RAPGEF2: variants seen among roughly 807,000 people sequenced by gnomAD.
RAPGEF2 encodes the protein Rap guanine nucleotide exchange factor 2, also known as PDZ domain containing guanine nucleotide exchange factor (GEF) 1.
In RAPGEF2, 54 loss-of-function variants were observed where a neutral mutation model predicts 186.7. That is an observed-to-expected ratio of 0.29 (90% confidence interval 0.23 to 0.36). RAPGEF2 has a LOEUF of 0.36. Among genes scored for constraint, RAPGEF2 ranks in the 10% least tolerant of loss-of-function variants. The pLI, the probability that RAPGEF2 is intolerant of heterozygous loss-of-function variation, is 1.00. For synonymous variants in RAPGEF2, 712 were observed against 705.9 expected, an observed-to-expected ratio of 1.01 and a Z score of -0.14; for missense variants, 1,532 against 2,045.0, an observed-to-expected ratio of 0.75 and a Z score of 4.84.
chr4:159,241,434 G>GT (rs1458337763), intron 6 of RAPGEF2, 66 bp downstream of exon 6: 1 of 1,088,034 alleles, frequency 9.2e-7, no homozygotes, highest in Non-Finnish European at 1.2e-6. Flanking sequence ...GTGAAAAGAT[G>GT]TTTAAGTTTT....
intron 7 of RAPGEF2, among the ~76,000 whole-genome samples, chr4:159,301,559 A>G (rs141230811): frequency 6.6e-6 from 1 of 152,282 alleles, no homozygotes; most frequent in African/African-American, 2.4e-5. Flanking sequence ...GAACACAGAT[A>G]GTGCGGAGAA....
chr4:159,203,246 C>G (rs1749635541), intron 3 of RAPGEF2, among the ~76,000 whole-genome samples: 1 of 152,170 alleles, frequency 6.6e-6, no homozygotes, highest in Non-Finnish European at 1.5e-5. Context: ...AACTGAAGTT[C>G]ACATCTTTGA....
chr4:159,269,492 T>C (rs1757840130), intron 7 of RAPGEF2, among the ~76,000 whole-genome samples: 1 of 152,204 alleles, frequency 6.6e-6, no homozygotes, highest in Non-Finnish European at 1.5e-5. Context: ...AGAAGTTCCA[T>C]TGTAGTTTGA....
At chr4:159,279,314 A>C (rs1759372933) in intron 7 of RAPGEF2, among the ~76,000 whole-genome samples, 1 of 152,250 alleles carries the variant, frequency 6.6e-6, no homozygotes, top group Non-Finnish European at 1.5e-5. Context: ...GCGCACGCAC[A>C]GGTCTATTTG....
chr4:159,264,240 T>C (rs1009086759), intron 7 of RAPGEF2, among the ~76,000 whole-genome samples: 1 of 152,200 alleles, frequency 6.6e-6, no homozygotes, highest in East Asian at 1.9e-4. Flanking sequence ...TTTTAAGATG[T>C]GTAGGTTGTA....
At chr4:159,238,009 C>T (rs1479520745) in intron 4 of RAPGEF2, among the ~76,000 whole-genome samples, 1 of 151,094 alleles carries the variant, frequency 6.6e-6, no homozygotes, top group African/African-American at 2.4e-5. Context: ...CAGAGTGAGA[C>T]CTTGTCTCTT....
At chr4:159,335,552 A>G (rs944316700) in intron 17 of RAPGEF2, among the ~76,000 whole-genome samples, 2 of 152,124 alleles carry the variant, frequency 1.3e-5, no homozygotes, top group African/African-American at 4.8e-5. Context: ...TTGCGGAGAA[A>G]CGGTTCTTAA....
At chr4:159,164,875 AG>A (rs1411781910) in intron 1 of RAPGEF2, among the ~76,000 whole-genome samples, 17 of 152,342 alleles carry the variant, frequency 1.1e-4, no homozygotes, top group Non-Finnish European at 2.1e-4. Flanking sequence ...GACTTAGTTC[AG>A]TTTGCTATTT....
intron 1 of RAPGEF2, among the ~76,000 whole-genome samples, chr4:159,104,538 G>T (rs1298877589): frequency 9.2e-6 from 1 of 109,176 alleles, no homozygotes; most frequent in Admixed American, 9.2e-5. Flanking sequence ...GAGAGACAGA[G>T]AGAGAGAGAG....
chr4:159,183,908 C>T (rs751655206), intron 1 of RAPGEF2, among the ~76,000 whole-genome samples: 2 of 152,170 alleles, frequency 1.3e-5, no homozygotes, highest in Non-Finnish European at 2.9e-5. Context: ...CACCCCATGA[C>T]AGGCTCTGGT....
rs187229334 is a variant in RAPGEF2, at chr4:159,263,646, A to T, written c.543+19855A>T. 3.9e-3 allele frequency among the ~76,000 whole-genome samples: 588 copies of T among 152,276 alleles called. 4 individuals are homozygous for T. The highest frequency in any genetic ancestry group is 0.013 in the African/African-American group (559 of 41,546). On this transcript the variant is annotated intron_variant, in intron 7 of 29. Coordinates refer to ENST00000691494, the MANE Select transcript of RAPGEF2 (RefSeq NM_001394067.2). ...TATACACTTTATTTTTCTATTAAAGATAAGTACATTATTCTCTTGATTCCC... is the reference window on the plus strand; with the variant it reads ...TATACACTTTATTTTTCTATTAAAGTTAAGTACATTATTCTCTTGATTCCC...
intron 7 of RAPGEF2, among the ~76,000 whole-genome samples, chr4:159,274,422 T>C (rs1309324815): frequency 6.6e-6 from 1 of 152,308 alleles, no homozygotes; most frequent in East Asian, 1.9e-4. Flanking sequence ...TTTTGAAAAA[T>C]ATTTTAAAAA....
chr4:159,164,653 ACATT>A (rs910603989), intron 1 of RAPGEF2, among the ~76,000 whole-genome samples: 70 of 152,328 alleles, frequency 4.6e-4, no homozygotes, highest in African/African-American at 1.6e-3. Context: ...TTATATGAAT[ACATT>A]CATATAATGT....
chr4:159,137,414 T>C (rs1741835208), intron 1 of RAPGEF2, among the ~76,000 whole-genome samples: 1 of 152,118 alleles, frequency 6.6e-6, no homozygotes, highest in African/African-American at 2.4e-5. Flanking sequence ...TCTCCTCTTG[T>C]ATAAGAACAC....
At chr4:159,146,820 A>G (rs186780317) in intron 1 of RAPGEF2, among the ~76,000 whole-genome samples, 48 of 152,278 alleles carry the variant, frequency 3.2e-4, no homozygotes, top group East Asian at 1.9e-3. Context: ...ATAATTTTTA[A>G]TGTGAAAACA....
intron 7 of RAPGEF2, among the ~76,000 whole-genome samples, chr4:159,275,339 AAC>A (rs2110849616): frequency 6.6e-6 from 1 of 152,260 alleles, no homozygotes; most frequent in South Asian, 2.1e-4. Context: ...TAGATTTATT[AAC>A]AAAGTGACAG....
intron 7 of RAPGEF2, among the ~76,000 whole-genome samples, chr4:159,303,897 T>A (rs1762969598): frequency 6.6e-6 from 1 of 152,196 alleles, no homozygotes; most frequent in South Asian, 2.1e-4. Flanking sequence ...TCATCAATTC[T>A]AAGATGCTCT....
chr4:159,222,999 CTT>C (rs1328606933), intron 4 of RAPGEF2, among the ~76,000 whole-genome samples: 4 of 151,868 alleles, frequency 2.6e-5, no homozygotes, highest in Admixed American at 2.6e-4. Flanking sequence ...TATGTACCCA[CTT>C]AATTTTTTCC....
Position 159,332,046 on chromosome 4 carries a change from G to A in RAPGEF2, c.1888+12G>A. ...AACCAATTTATTTGGTAAGTATTTT[G>A]CATACTTTTCATTTTTCTCCTTTTG... On this transcript the variant is annotated intron_variant, in intron 16 of 29. Coordinates refer to ENST00000691494, the MANE Select transcript of RAPGEF2 (RefSeq NM_001394067.2). 1 of 1,526,278 alleles carries A rather than the reference G, an allele frequency of 6.6e-7. No homozygotes were observed. The highest frequency in any genetic ancestry group is 8.9e-7 in the Non-Finnish European group (1 of 1,120,166). The allele number at this position is 1,526,278 out of a possible 1,614,324, so 94.5% of individuals were successfully genotyped here.
Sources: allele counts gnomAD v4.1 joint callset (sites outside exome capture counted in the v4.1 genomes callset), GRCh38; gene constraint gnomAD v4.1.1; transcripts MANE v1.5; gene names NCBI Gene and HGNC (gene_info 2026-07-23, HGNC 2026-07-21).